EIF3I: variants seen among roughly 807,000 people sequenced by gnomAD.
EIF3I encodes the protein TGF-beta receptor-interacting protein 1.
EIF3I carries 20 observed loss-of-function variants against 43.3 expected under a neutral mutation model. The ratio of observed to expected loss-of-function variants is 0.46; its 90% CI spans 0.32 to 0.67. EIF3I has a LOEUF of 0.67. Among genes scored for constraint, EIF3I ranks in the 30% least tolerant of loss-of-function variants. The probability of loss-of-function intolerance (pLI) is 0.03; values close to 1 mark genes in which losing one functional copy is unlikely to be tolerated. For missense variants in EIF3I, 279 were observed against 421.4 expected (o/e 0.66, Z 2.96); for synonymous variants, 167 against 151.7 (o/e 1.10, Z -0.74).
exon 11 of EIF3I, chr1:32,231,006 C>A: frequency 6.2e-7 from 1 of 1,612,834 alleles, no homozygotes; most frequent in Non-Finnish European, 8.5e-7. Flanking sequence ...TGCCTTCCAT[C>A]CTGATGGCAA....
At chr1:32,229,585 C>T (rs1472515833) in intron 9 of EIF3I, among the ~76,000 whole-genome samples, 1 of 114,608 alleles carries the variant, frequency 8.7e-6, no homozygotes, top group Admixed American at 1.1e-4. Context: ...GAGTCTTGCT[C>T]TGTCACCCAG....
chr1:32,225,051 C>A (rs1480764955), intron 4 of EIF3I, among the ~76,000 whole-genome samples: 1 of 152,296 alleles, frequency 6.6e-6, no homozygotes, highest in Middle Eastern at 3.4e-3. Context: ...CCAGACTGGT[C>A]TCAAACTCCA....
intron 9 of EIF3I, among the ~76,000 whole-genome samples, chr1:32,229,511 G>C (rs1639200222): frequency 6.7e-6 from 1 of 149,254 alleles, no homozygotes. Flanking sequence ...GCCTCCCAAA[G>C]TGCTGGGATT....
At chr1:32,234,304 CAAAAAAAA>C (rs76358588), downstream of EIF3I, 1 of 111,310 alleles carries the variant, frequency 9.0e-6, no homozygotes, top group African/African-American at 3.2e-5. Context: ...GACTTCATCT[CAAAAAAAA>C]AAAAAAAAAG....
chr1:32,234,184 G>T (rs1322993479), downstream of EIF3I: 1 of 152,058 alleles, frequency 6.6e-6, no homozygotes, highest in African/African-American at 2.4e-5. Context: ...TGTAATCCCA[G>T]CTACTCGGGA....
chr1:32,225,398 A>C (rs1034121809), intron 4 of EIF3I, among the ~76,000 whole-genome samples: 2 of 152,206 alleles, frequency 1.3e-5, no homozygotes, highest in Admixed American at 6.5e-5. Context: ...CAGTCTACGT[A>C]TGAGTAGTGC....
At chr1:32,224,982 C>T (rs190797111) in intron 4 of EIF3I, among the ~76,000 whole-genome samples, 4 of 152,108 alleles carry the variant, frequency 2.6e-5, no homozygotes, top group African/African-American at 7.2e-5. Flanking sequence ...TACAGACATG[C>T]GCCATCACAC....
At chr1:32,228,652 G>A (rs547818988) in intron 7 of EIF3I, 43 bp downstream of exon 7, 20 of 1,606,950 alleles carry the variant, frequency 1.2e-5, no homozygotes, top group Admixed American at 1.7e-5. Flanking sequence ...CCCTCCCTCC[G>A]GCTGCACAGC....
At chr1:32,229,684 G>A (rs1385655073) in intron 9 of EIF3I, among the ~76,000 whole-genome samples, 1 of 151,580 alleles carries the variant, frequency 6.6e-6, no homozygotes, top group Admixed American at 6.6e-5. Flanking sequence ...CTGGGTGGCT[G>A]GGATTACAGG....
downstream of EIF3I, among the ~76,000 whole-genome samples, chr1:32,233,763 G>A (rs1050099497): frequency 1.3e-5 from 2 of 152,332 alleles, no homozygotes; most frequent in African/African-American, 4.8e-5. Context: ...CAAAGTGGTA[G>A]AGAGCCTTAT....
At chr1:32,228,649 T>C in intron 7 of EIF3I, 40 bp downstream of exon 7, 2 of 1,606,850 alleles carry the variant, frequency 1.2e-6, no homozygotes, top group Non-Finnish European at 1.7e-6. Flanking sequence ...GCTCCCTCCC[T>C]CCGGCTGCAC....
chr1:32,229,655 A>G (rs961892462), intron 9 of EIF3I, among the ~76,000 whole-genome samples: 1 of 151,120 alleles, frequency 6.6e-6, no homozygotes, highest in Non-Finnish European at 1.5e-5. Flanking sequence ...GGTTCAAGCA[A>G]TTATCCTGCC....
chr1:32,225,286 T>C (rs1639125892), intron 4 of EIF3I, among the ~76,000 whole-genome samples: 1 of 152,214 alleles, frequency 6.6e-6, no homozygotes, highest in African/African-American at 2.4e-5. Context: ...TAAGCTGTTC[T>C]GTTTAGTGCC....
chr1:32,226,770 A>G (rs1639153394), intron 6 of EIF3I, among the ~76,000 whole-genome samples: 1 of 140,884 alleles, frequency 7.1e-6, no homozygotes, highest in African/African-American at 2.7e-5. Flanking sequence ...GGGTTTCACC[A>G]TGTTGGTCAG....
At position 32,226,823 on chromosome 1, in the gene EIF3I, G is replaced by GC. The variant is rs1178593890; in HGVS notation, c.528+294dup. On this transcript the variant is annotated intron_variant, in intron 6 of 11. Coordinates refer to ENST00000676679, the Ensembl canonical transcript of EIF3I. ...GACCTCAGGCAGTCCACCGCTCGTG[G>GC]CTTTTTTTTTTTTTTTTTTTTTTTT... 1.2e-3 allele frequency among the ~76,000 whole-genome samples: 137 copies of GC among 115,706 alleles called. 1 individual carries two copies. The highest frequency in any genetic ancestry group is 4.5e-3 in the African/African-American group (130 of 28,710). The allele number at this position is 115,706 out of a possible 152,430, so 75.9% of individuals were successfully genotyped here.
intron 9 of EIF3I, among the ~76,000 whole-genome samples, chr1:32,229,612 G>A (rs1249901561): frequency 2.1e-5 from 3 of 141,700 alleles, no homozygotes; most frequent in Middle Eastern, 3.9e-3. Flanking sequence ...GTGCAATGGC[G>A]CGATCTCTGC....
downstream of EIF3I, chr1:32,231,508 A>G (rs1425009471): frequency 4.1e-6 from 1 of 245,156 alleles, no homozygotes; most frequent in African/African-American, 2.3e-5. Context: ...AAAAAAGAAG[A>G]AGGTGGATCT....
chr1:32,222,471 A>G, intron 1 of EIF3I, 27 bp downstream of exon 1: 2 of 1,610,222 alleles, frequency 1.2e-6, no homozygotes, highest in Non-Finnish European at 1.7e-6. Context: ...GGGGTATTGC[A>G]GTGGGGGTCC....
intron 4 of EIF3I, among the ~76,000 whole-genome samples, 188 bp downstream of exon 4, chr1:32,224,663 T>C (rs902331517): frequency 2.6e-5 from 4 of 151,416 alleles, no homozygotes; most frequent in Non-Finnish European, 4.4e-5. Context: ...GTTTTCTTTT[T>C]TTTTTTTTTT....
Sources: gnomAD v4.1 joint callset for allele counts (sites outside exome capture counted in the v4.1 genomes callset) on GRCh38, gnomAD v4.1.1 for gene constraint, MANE v1.5 for transcripts, NCBI Gene and HGNC (gene_info 2026-07-23, HGNC 2026-07-21) for gene names.